ANKRD17: variants seen among roughly 807,000 people sequenced by gnomAD.
The protein encoded by ANKRD17 is ankyrin repeat domain-containing protein 17.
Under a neutral mutation model 229.7 loss-of-function variants are expected in ANKRD17, and 19 were observed. That is an observed-to-expected ratio of 0.08 (90% CI 0.06 to 0.12). The LOEUF is 0.12. Ranked by LOEUF, ANKRD17 falls within the 10% of genes least tolerant of loss-of-function variation. The pLI is 1.00. For synonymous variants in ANKRD17, 1,112 were observed against 1,146.1 expected (o/e 0.97, Z 0.60); for missense variants, 2,176 against 3,176.8 (o/e 0.68, Z 7.57).
chr4:73,220,997 G>T (rs184175671), intron 1 of ANKRD17, among the ~76,000 whole-genome samples: 130 of 152,158 alleles, frequency 8.5e-4, no homozygotes, highest in Middle Eastern at 3.4e-3. Flanking sequence ...TTAGAAAATG[G>T]TACATTTATC....
chr4:73,122,225 C>T (rs530814488), intron 18 of ANKRD17, among the ~76,000 whole-genome samples: 1 of 152,036 alleles, frequency 6.6e-6, no homozygotes, highest in South Asian at 2.1e-4. Context: ...CATTAAAAAA[C>T]CTTATATACA....
chr4:73,087,791 T>A (rs1254576396), intron 29 of ANKRD17, among the ~76,000 whole-genome samples: 1 of 152,138 alleles, frequency 6.6e-6, no homozygotes, highest in African/African-American at 2.4e-5. Flanking sequence ...AGGGGTAAAG[T>A]ATCATGTTTG....
Position 73,151,475 on chromosome 4 carries a change from C to T in ANKRD17, c.1284G>A (p.Glu428=). 2.5e-6 allele frequency: 4 copies of T among 1,611,264 alleles called. No individual in the cohort carries two copies. Among genetic ancestry groups the T allele is most frequent in the African/African-American group, 1.3e-5 (1 of 74,942 alleles). ...CAGTGTGCATTTCATCTGTTTTATG[C>T]TCTTGATCCGCGCCTGCTTCCAAAA... ...RFLLEAGADQ[E]HKTDEMHTAL... is the part of the protein sequence containing the mutation. Residue 428 remains glutamate (E), a synonymous_variant, in exon 7 of 34, where the codon GAG becomes GAA. Transcript: ENST00000358602.
rs989127017 is a variant in ANKRD17 at position 73,077,444 on chromosome 4, T to C, written c.7498A>G (p.Met2500Val). Residue 2500 changes from methionine to valine, a missense_variant, in exon 32 of 34, where the codon ATG becomes GTG. By Grantham distance (21) the Met-to-Val change is conservative. Around this residue, in one of 18 missense-constraint regions of ANKRD17, gnomAD observed 159 missense variants for 214.3 expected, o/e 0.74. Coordinates refer to ENST00000358602, the MANE Select transcript of ANKRD17 (RefSeq NM_032217.5). ...DPGVFSQHQAMERDSTGIVTP... is the reference protein window; with the variant it reads ...DPGVFSQHQAVERDSTGIVTP... ...ACAATTCCTGTACTATCTCGCTCCA[T>C]TGCTTGATGTTGTGAAAATACTCCT... is the stretch of plus-strand genomic sequence containing the variant. The C allele has an allele frequency of 2.5e-6, 4 of 1,613,718 alleles. No individual in the cohort carries two copies. The highest frequency in any genetic ancestry group is 2.7e-5 in the African/African-American group (2 of 74,916).
intron 1 of ANKRD17, among the ~76,000 whole-genome samples, chr4:73,257,672 G>C (rs985201137): frequency 6.6e-6 from 1 of 152,148 alleles, no homozygotes; most frequent in African/African-American, 2.4e-5. Flanking sequence ...CTGGGAGATC[G>C]AGGAAATGAA....
Position 73,125,211 on chromosome 4 carries a change from T to C in ANKRD17, c.3336A>G (p.Arg1112=). ...AAAAGTAGGCCCTACCTTTCTTGTC[T>C]CGGTGCTCTATACTAGCTCCTCTCT... ...LLERGASIEH[R]DKKGFTPLIL... is the part of the protein sequence containing the mutation. Residue 1112 remains arginine, a synonymous_variant, in exon 17 of 34, where the codon CGA becomes CGG. Coordinates refer to ENST00000358602, the MANE Select transcript of ANKRD17 (RefSeq NM_032217.5). The C allele has an allele frequency of 6.2e-7, 1 of 1,603,848 alleles. No homozygotes were observed. The highest frequency in any genetic ancestry group is 1.8e-5 in the Admixed American group (1 of 56,592).
chr4:73,216,158 T>G (rs532248390), intron 1 of ANKRD17, among the ~76,000 whole-genome samples: 1 of 152,356 alleles, frequency 6.6e-6, no homozygotes, highest in East Asian at 1.9e-4. Context: ...AAGATATTTA[T>G]AAAAATGTAA....
Position 73,147,277 on chromosome 4 carries a change from C to T in ANKRD17, c.1723G>A (p.Gly575Ser), listed in dbSNP as rs780045966. 3 of 1,581,294 alleles carry T rather than the reference C, an allele frequency of 1.9e-6. No homozygotes were observed. Among genetic ancestry groups the T allele is most frequent in the Non-Finnish European group, 2.6e-6 (3 of 1,166,698 alleles). ...STPLMEAAQE[G>S]HLELVKYLLA... ...AAGTATTTAACTAACTCCAAATGAC[C>T]CTCTTGAGCAGCTTCCATTAAAGGG... The change falls in exon 9 of 34, where the codon GGT (glycine) becomes AGT (serine). Residue 575 changes from glycine to serine, a missense_variant. By Grantham distance (56) the Gly-to-Ser change is moderately conservative (BLOSUM62 0). This residue lies in a region of ANKRD17 where 275 missense variants were observed against 386.9 expected (regional missense o/e 0.71). Transcript: ENST00000358602.
chr4:73,190,066 A>C (rs190066060), intron 1 of ANKRD17, among the ~76,000 whole-genome samples: 1 of 152,306 alleles, frequency 6.6e-6, no homozygotes, highest in East Asian at 1.9e-4. Flanking sequence ...GAAAACTTTT[A>C]TTCTTTATAA....
intron 1 of ANKRD17, among the ~76,000 whole-genome samples, chr4:73,225,980 T>TA (rs1282419457): frequency 7.2e-6 from 1 of 139,622 alleles, no homozygotes; most frequent in Non-Finnish European, 1.6e-5. Context: ...AAGCTTTTTT[T>TA]TTTTTTTTTT....
chr4:73,174,301 T>C (rs974531163), intron 2 of ANKRD17, among the ~76,000 whole-genome samples: 3 of 152,150 alleles, frequency 2.0e-5, no homozygotes, highest in Admixed American at 6.5e-5. Flanking sequence ...ATAAATGTGA[T>C]ACATCACATA....
Position 73,085,414 on chromosome 4 carries a change from C to T in ANKRD17, c.6994G>A (p.Val2332Ile). Residue 2332 changes from valine to isoleucine, a missense_variant, in exon 30 of 34, where the codon GTA (valine) becomes ATA (isoleucine). This residue lies in a region of ANKRD17 where 87 missense variants were observed against 116.0 expected (regional missense o/e 0.75). Coordinates refer to ENST00000358602, the MANE Select transcript of ANKRD17 (RefSeq NM_032217.5). ...IVNMDSPYGS[V>I]TPSSTHLGNF... ...CCCAAATGTGTTGAAGAAGGTGTTA[C>T]AGAACCATATGGCGAGTCCATATTG... The T allele has an allele frequency of 6.2e-7, 1 of 1,614,050 alleles. No individual in the cohort carries two copies. Among genetic ancestry groups the T allele is most frequent in the East Asian group, 2.2e-5 (1 of 44,878 alleles).
Position 73,098,082 on chromosome 4 carries a change from G to A in ANKRD17, c.5012C>T (p.Ala1671Val), listed in dbSNP as rs1321152352. ...KEERKSVSGK[A>V]SIKLSETISE... The stretch of plus-strand genomic sequence containing the variant: ...AAAAATTGGAACTAACTTTATTGAA[G>A]CCTTGCCAGAAACAGATTTTCTCTC... The change falls in exon 26 of 34, where the codon GCT becomes GTT. Residue 1671 changes from alanine to valine, a missense_variant. Ala to Val is a moderately conservative substitution (Grantham distance 64). Coordinates refer to ENST00000358602, the MANE Select transcript of ANKRD17 (RefSeq NM_032217.5). The A allele has an allele frequency of 6.3e-7, 1 of 1,596,902 alleles. No homozygotes were observed. The highest frequency in any genetic ancestry group is 1.1e-5 in the South Asian group (1 of 89,188).
intron 1 of ANKRD17, among the ~76,000 whole-genome samples, chr4:73,222,732 A>G (rs190212545): frequency 6.6e-6 from 1 of 152,270 alleles, no homozygotes; most frequent in East Asian, 1.9e-4. Flanking sequence ...TTTTTCCCTA[A>G]CAAACATATA....
At chr4:73,151,823 G>A (rs905497878) in intron 6 of ANKRD17, among the ~76,000 whole-genome samples, 1 of 152,006 alleles carries the variant, frequency 6.6e-6, no homozygotes, top group Non-Finnish European at 1.5e-5. Context: ...TAAGAGCCCA[G>A]GCATGTTATA....
chr4:73,095,696 T>C (rs1373990064), intron 27 of ANKRD17, among the ~76,000 whole-genome samples: 1 of 152,016 alleles, frequency 6.6e-6, no homozygotes, highest in African/African-American at 2.4e-5. Context: ...TTTCCTTTAT[T>C]ATTATTTTTT....
intron 1 of ANKRD17, among the ~76,000 whole-genome samples, chr4:73,184,058 T>C (rs1332447979): frequency 2.6e-5 from 4 of 152,202 alleles, no homozygotes; most frequent in Non-Finnish European, 5.9e-5. Context: ...CAAATCCTTC[T>C]ACACTCAAAA....
intron 1 of ANKRD17, among the ~76,000 whole-genome samples, chr4:73,177,997 C>T (rs1000023133): frequency 2.0e-5 from 3 of 152,084 alleles, no homozygotes; most frequent in Non-Finnish European, 4.4e-5. Flanking sequence ...ACAAATATCA[C>T]TATCAAAAAA....
rs1164453207 is a variant in ANKRD17 at position 73,094,149 on chromosome 4, C to T, written c.5257G>A (p.Glu1753Lys). Residue 1753 changes from glutamate to lysine, a missense_variant, in exon 28 of 34, where the codon GAG (glutamate) becomes AAG (lysine). Around this residue, in one of 18 missense-constraint regions of ANKRD17, gnomAD observed 27 missense variants for 89.2 expected, o/e 0.30. Transcript: ENST00000358602. ...RGGCNINAIR[E>K]FTGAHIDIDK... Reference sequence around the variant, plus strand: ...ATATCTATGTGTGCACCAGTAAACTCCCGAATAGCATTGATATTACAGCCT... The same window carrying T: ...ATATCTATGTGTGCACCAGTAAACTTCCGAATAGCATTGATATTACAGCCT... The T allele has an allele frequency of 6.2e-7, 1 of 1,613,602 alleles. No homozygotes were observed. Among genetic ancestry groups the T allele is most frequent in the Admixed American group, 1.7e-5 (1 of 60,016 alleles).
Sources: gnomAD v4.1 joint callset for allele counts (sites outside exome capture counted in the v4.1 genomes callset) on GRCh38, gnomAD v4.1.1 for gene constraint, gnomAD v4.1.1 regional missense constraint, MANE v1.5 for transcripts, NCBI Gene and HGNC (gene_info 2026-07-23, HGNC 2026-07-21) for gene names.